TRMT11: variants seen among roughly 807,000 people sequenced by gnomAD.
TRMT11 encodes the protein tRNA (guanine(10)-N(2))-methyltransferase TRMT11.
A neutral mutation model predicts 62.8 loss-of-function variants in TRMT11; 53 were observed. The observed-to-expected ratio is 0.84, with a 90% CI of 0.68 to 1.06. TRMT11 has a LOEUF of 1.06. Among genes scored for constraint, TRMT11 ranks in the 50% least tolerant of loss-of-function variants. TRMT11 has a pLI of 0.00. For missense variants in TRMT11, 556 were observed against 553.4 expected, an observed-to-expected ratio of 1.00 and a Z score of -0.05; for synonymous variants, 188 against 190.3, an observed-to-expected ratio of 0.99 and a Z score of 0.10.
chr6:126,264,944 G>C, the TRMT11 span, among the ~76,000 whole-genome samples: 3 of 152,136 alleles, frequency 2.0e-5, no homozygotes, highest in Non-Finnish European at 2.9e-5. Context: ...TTCCTCTGGA[G>C]AACATAGATG....
intron 7 of TRMT11, among the ~76,000 whole-genome samples, chr6:126,000,146 C>T (rs867514917): frequency 2.0e-5 from 3 of 152,226 alleles, no homozygotes; most frequent in Middle Eastern, 3.4e-3. Flanking sequence ...ATAGCCTGGT[C>T]ACTGTGGCAG....
At chr6:126,240,929 T>G in the TRMT11 span, among the ~76,000 whole-genome samples, 6 of 152,194 alleles carry the variant, frequency 3.9e-5, no homozygotes, top group African/African-American at 1.4e-4. Context: ...TCCCCCAGCC[T>G]CGCTGCTGCC....
intron 12 of TRMT11, among the ~76,000 whole-genome samples, chr6:126,024,450 C>T (rs150006926): frequency 9.2e-5 from 14 of 152,302 alleles, no homozygotes; most frequent in African/African-American, 3.4e-4. Context: ...CTCTATCACC[C>T]AGGCTAGAAT....
chr6:126,038,992 CTT>C lies in TRMT11; in HGVS notation c.*158_*159del, dbSNP rs1775730418. ...AATTGAGCAATGCTTTTAAAGTTAT[CTT>C]TGTTTTATAGACTTTTTTGTTGTAT... On this transcript the variant is annotated 3_prime_UTR_variant, in exon 13 of 13. Transcript: ENST00000334379. The C allele has an allele frequency of 1.6e-6, 1 of 614,658 alleles. No individual in the cohort carries two copies. Among genetic ancestry groups the C allele is most frequent in the African/African-American group, 1.9e-5 (1 of 52,116 alleles). The allele number at this position is 614,658 out of a possible 1,614,324, so 38.1% of individuals were successfully genotyped here.
intron 17 of TRMT11, among the ~76,000 whole-genome samples, chr6:126,056,387 G>T (rs907958572): frequency 2.0e-5 from 3 of 152,152 alleles, no homozygotes; most frequent in African/African-American, 7.2e-5. Context: ...GATGTGGGGA[G>T]GTTATTGGGC....
the TRMT11 span, among the ~76,000 whole-genome samples, chr6:126,250,874 A>G: frequency 6.6e-6 from 1 of 152,202 alleles, no homozygotes; most frequent in Non-Finnish European, 1.5e-5. Flanking sequence ...AATATGCCAA[A>G]TTGATAAACC....
chr6:126,067,199 C>CA (rs778111134), intron 17 of TRMT11, among the ~76,000 whole-genome samples: 15,735 of 96,156 alleles, frequency 0.16, 2,742 homozygotes, highest in African/African-American at 0.45. Flanking sequence ...GACTCCTTCT[C>CA]AAAAAAAAAA....
chr6:126,038,472 C>T (rs563743158), intron 12 of TRMT11, among the ~76,000 whole-genome samples: 39 of 150,630 alleles, frequency 2.6e-4, no homozygotes, highest in Non-Finnish European at 4.6e-4. Flanking sequence ...GAAATTTGTC[C>T]TCTGTACAGA....
At chr6:126,237,950 G>T in the TRMT11 span, among the ~76,000 whole-genome samples, 7 of 152,146 alleles carry the variant, frequency 4.6e-5, no homozygotes, top group Non-Finnish European at 8.8e-5. Flanking sequence ...GAGGGTGTAT[G>T]TGTCGAGGAA....
chr6:126,146,874 T>TGG, intron 21 of TRMT11, among the ~76,000 whole-genome samples: 1 of 110,342 alleles, frequency 9.1e-6, no homozygotes, highest in African/African-American at 3.6e-5. Flanking sequence ...CTGATATTAC[T>TGG]AAATTATTTA....
rs1441801274 is a variant in TRMT11, at chr6:126,147,020, A to G, written c.*1824-27805A>G. On this transcript the variant is annotated intron_variant and NMD_transcript_variant, in intron 21 of 22. Transcript: ENST00000648977. ...CTCTATGGTGATGGTCATATTTTCA[A>G]TTGTAGGCTCTCAGGTTAAGGAAAG... Among the ~76,000 whole-genome samples, 11 of 44,970 alleles carry G rather than the reference A, an allele frequency of 2.4e-4. 3 individuals are homozygous for G. Among genetic ancestry groups the G allele is most frequent in the Admixed American group, 1.1e-3 (7 of 6,142 alleles). The allele number at this position is 44,970 out of a possible 152,430, so 29.5% of individuals were successfully genotyped here.
downstream of TRMT11, among the ~76,000 whole-genome samples, chr6:126,207,356 A>C (rs760175958): frequency 3.3e-5 from 5 of 152,190 alleles, no homozygotes; most frequent in Non-Finnish European, 7.4e-5. Flanking sequence ...TTTTAGTGGG[A>C]GAGAATAAGA....
chr6:126,226,938 A>G, the TRMT11 span, among the ~76,000 whole-genome samples: 692 of 152,300 alleles, frequency 4.5e-3, 2 homozygotes, highest in Non-Finnish European at 8.1e-3. Context: ...TAATGGTTCT[A>G]TAAAGGGGAG....
intron 21 of TRMT11, among the ~76,000 whole-genome samples, chr6:126,152,752 T>C (rs1015680386): frequency 4.6e-5 from 7 of 152,340 alleles, no homozygotes; most frequent in African/African-American, 1.4e-4. Context: ...TTAGTTGTAT[T>C]ACTCAGGAAG....
Position 126,010,707 on chromosome 6 carries a change from T to G in TRMT11, c.761-546T>G, listed in dbSNP as rs140541245. Among the ~76,000 whole-genome samples the G allele has an allele frequency of 1.2e-3, 183 of 152,194 alleles. 1 individual carries two copies. Among genetic ancestry groups the G allele is most frequent in the Non-Finnish European group, 1.9e-4 (13 of 67,940 alleles). On this transcript the variant is annotated intron_variant, in intron 8 of 12. Coordinates refer to ENST00000334379, the MANE Select transcript of TRMT11 (RefSeq NM_001031712.3). ...TCTTAAGCTTGTTTTTCTTCCTGGT[T>G]TCTCTGATATTAATCACTGGTGTCA...
At chr6:126,116,017 CTT>C (rs577116368) in intron 21 of TRMT11, among the ~76,000 whole-genome samples, 7,130 of 136,318 alleles carry the variant, frequency 0.052, 562 homozygotes, top group African/African-American at 0.17. Flanking sequence ...CCTTAGGGTC[CTT>C]TTTTTTTTTT....
At chr6:126,026,722 T>G (rs927060720) in intron 12 of TRMT11, among the ~76,000 whole-genome samples, 1 of 151,784 alleles carries the variant, frequency 6.6e-6, no homozygotes, top group Non-Finnish European at 1.5e-5. Flanking sequence ...TATTACTAGT[T>G]TTTTTTAAAG....
intron 21 of TRMT11, among the ~76,000 whole-genome samples, chr6:126,132,577 G>A (rs781181172): frequency 6.6e-6 from 1 of 152,002 alleles, no homozygotes; most frequent in Non-Finnish European, 1.5e-5. Context: ...TGAGAATTAT[G>A]TATCATAGGT....
intron 1 of TRMT11, among the ~76,000 whole-genome samples, chr6:126,180,868 T>C (rs1171419694): frequency 6.6e-6 from 1 of 152,202 alleles, no homozygotes; most frequent in Non-Finnish European, 1.5e-5. Flanking sequence ...GCCCAACTAA[T>C]TACACAACTT....
Sources: gnomAD v4.1 joint callset for allele counts (sites outside exome capture counted in the v4.1 genomes callset) on GRCh38, gnomAD v4.1.1 for gene constraint, MANE v1.5 for transcripts, NCBI Gene and HGNC (gene_info 2026-07-23, HGNC 2026-07-21) for gene names.